PRH1: variants seen among roughly 807,000 people sequenced by gnomAD.
The protein encoded by PRH1 is salivary acidic proline-rich phosphoprotein 1/2.
A neutral mutation model predicts 7.9 loss-of-function variants in PRH1; 7 were observed. That is an observed-to-expected ratio of 0.89 (90% confidence interval 0.50 to 1.67). PRH1 has a LOEUF of 1.67. Among genes scored for constraint, PRH1 ranks in the 40% most tolerant of loss-of-function variants. The probability of loss-of-function intolerance (pLI) is 0.00; values close to 1 mark genes in which losing one functional copy is unlikely to be tolerated. For synonymous variants in PRH1, 45 were observed against 80.8 expected (o/e 0.56, Z 2.38); for missense variants, 109 against 223.6 (o/e 0.49, Z 3.27).
chr12:11,125,703 G>A (rs2597932), intron 1 of PRH1, among the ~76,000 whole-genome samples: 31 of 149,454 alleles, frequency 2.1e-4, no homozygotes, highest in African/African-American at 2.7e-4. Flanking sequence ...ATTTAATATC[G>A]ATATTACTAT....
At chr12:10,998,527 T>C (rs938257901) in intron 1 of PRH1, among the ~76,000 whole-genome samples, 1 of 152,038 alleles carries the variant, frequency 6.6e-6, no homozygotes, top group Non-Finnish European at 1.5e-5. Flanking sequence ...AACAAGCTCA[T>C]AAACACACAC....
At chr12:11,004,091 G>C (rs1264101761) in intron 1 of PRH1, among the ~76,000 whole-genome samples, 1 of 152,114 alleles carries the variant, frequency 6.6e-6, no homozygotes, top group African/African-American at 2.4e-5. Flanking sequence ...CTCAGACAAA[G>C]TAATTGCACT....
intron 1 of PRH1, among the ~76,000 whole-genome samples, chr12:11,160,414 C>A (rs1012326889): frequency 6.6e-6 from 1 of 152,088 alleles, no homozygotes; most frequent in African/African-American, 2.4e-5. Flanking sequence ...GAAGAATTGA[C>A]TATAGTTCTC....
At chr12:11,080,458 C>T (rs1387877794) in intron 1 of PRH1, among the ~76,000 whole-genome samples, 1 of 116,156 alleles carries the variant, frequency 8.6e-6, no homozygotes. Context: ...ATATCATTTG[C>T]TACAATTCTT....
At chr12:10,972,536 G>A (rs367794069) in intron 2 of PRH1, among the ~76,000 whole-genome samples, 8 of 151,926 alleles carry the variant, frequency 5.3e-5, no homozygotes, top group Non-Finnish European at 7.4e-5. Flanking sequence ...TCATAATGAC[G>A]TTGAAGTAAA....
chr12:11,033,773 G>A (rs1942325117), intron 1 of PRH1, among the ~76,000 whole-genome samples: 2 of 151,966 alleles, frequency 1.3e-5, no homozygotes, highest in African/African-American at 2.4e-5. Flanking sequence ...AATGAGACGA[G>A]TAATAATAAT....
chr12:11,068,616 G>C (rs1193757300), intron 1 of PRH1, among the ~76,000 whole-genome samples: 1 of 152,146 alleles, frequency 6.6e-6, no homozygotes, highest in South Asian at 2.1e-4. Flanking sequence ...TGATTATAGA[G>C]CTATACGTAA....
At chr12:11,024,154 C>T (rs1185600187) in intron 1 of PRH1, among the ~76,000 whole-genome samples, 5 of 152,204 alleles carry the variant, frequency 3.3e-5, no homozygotes. Context: ...TGAATGTATA[C>T]AAATAGTGGA....
chr12:10,986,462 C>G, intron 1 of PRH1: 1 of 1,614,072 alleles, frequency 6.2e-7, no homozygotes, highest in Non-Finnish European at 8.5e-7. Flanking sequence ...AAGTCCCCAA[C>G]AGTATCACCA....
chr12:11,108,632 T>C (rs1027905765), intron 1 of PRH1, among the ~76,000 whole-genome samples: 1 of 152,212 alleles, frequency 6.6e-6, no homozygotes, highest in African/African-American at 2.4e-5. Context: ...CGACGTATTC[T>C]GGCCCAGATA....
intron 2 of PRH1, among the ~76,000 whole-genome samples, chr12:10,920,904 T>G (rs961041313): frequency 6.6e-6 from 1 of 152,134 alleles, no homozygotes; most frequent in East Asian, 1.9e-4. Context: ...TATTTAAACT[T>G]GGTTTGGGTA....
At chr12:10,930,156 T>A in intron 2 of PRH1, 1 of 1,255,050 alleles carries the variant, frequency 8.0e-7, no homozygotes, top group South Asian at 1.2e-5. Flanking sequence ...GCTGATGAGA[T>A]CTCAAAGGGG....
chr12:11,004,692 T>C (rs1280169588), intron 1 of PRH1, among the ~76,000 whole-genome samples: 6 of 152,242 alleles, frequency 3.9e-5, no homozygotes, highest in Non-Finnish European at 7.4e-5. Context: ...TTTTTCTAAT[T>C]TTTTCTTGAA....
chr12:11,058,693 T>C (rs956923148), intron 1 of PRH1, among the ~76,000 whole-genome samples: 1 of 151,802 alleles, frequency 6.6e-6, no homozygotes, highest in Non-Finnish European at 1.5e-5. Flanking sequence ...GTTAGAGGCA[T>C]ACATAGTGGG....
chr12:11,061,510 A>G (rs749575510), intron 1 of PRH1: 3 of 1,614,146 alleles, frequency 1.9e-6, no homozygotes, highest in Admixed American at 1.7e-5. Context: ...TTCGCAGAAC[A>G]TGAAGACAGG....
At chr12:11,048,886 CT>C, upstream of PRH1, 1 of 278,572 alleles carries the variant, frequency 3.6e-6, no homozygotes, top group Non-Finnish European at 7.3e-6. Context: ...ATTCTTAATC[CT>C]TTTCTTTAGG....
intron 1 of PRH1, among the ~76,000 whole-genome samples, chr12:11,037,098 A>T (rs1173184083): frequency 6.6e-6 from 1 of 152,218 alleles, no homozygotes; most frequent in Non-Finnish European, 1.5e-5. Context: ...AAAATTCGAT[A>T]AGAAACACGA....
intron 1 of PRH1, among the ~76,000 whole-genome samples, chr12:11,032,658 TTATCTC>T (rs576425348): frequency 5.4e-4 from 82 of 152,306 alleles, no homozygotes; most frequent in Non-Finnish European, 8.5e-4. Flanking sequence ...ATCAAAAACA[TTATCTC>T]TAATTCTTAG....
chr12:10,991,694 G>C (rs1322322253), intron 1 of PRH1, among the ~76,000 whole-genome samples: 1 of 151,880 alleles, frequency 6.6e-6, no homozygotes, highest in Non-Finnish European at 1.5e-5. Flanking sequence ...AAAAAAACCA[G>C]ACATAATTGA....
Sources: allele counts gnomAD v4.1 joint callset (sites outside exome capture counted in the v4.1 genomes callset), GRCh38; gene constraint gnomAD v4.1.1; transcripts MANE v1.5; gene names NCBI Gene and HGNC (gene_info 2026-07-23, HGNC 2026-07-21).